The following LRRC37A2 variants were observed in gnomAD, a reference collection of about 807,000 sequenced individuals.
The protein encoded by LRRC37A2 is leucine rich repeat containing 37 member A2, also known as leucine-rich repeat-containing protein 37A2.
In LRRC37A2, 9 loss-of-function variants were observed where a neutral mutation model predicts 68.8. The observed-to-expected ratio is 0.13, with a 90% CI of 0.08 to 0.23. The LOEUF (loss-of-function observed/expected upper bound fraction) is 0.23. Among genes scored for constraint, LRRC37A2 ranks in the 10% least tolerant of loss-of-function variants. The pLI is 1.00. For synonymous variants in LRRC37A2, 63 were observed against 367.6 expected (o/e 0.17, Z 9.48); for missense variants, 168 against 950.4 (o/e 0.18, Z 10.82).
the LRRC37A2 span, chr17:47,049,119 C>T: frequency 1.9e-6 from 2 of 1,069,570 alleles, no homozygotes; most frequent in South Asian, 1.3e-5. Flanking sequence ...GACTCCTACT[C>T]TGTGTGACTG....
the LRRC37A2 span, chr17:46,998,590 C>T: frequency 6.6e-6 from 1 of 152,244 alleles, no homozygotes; most frequent in Non-Finnish European, 1.5e-5. Flanking sequence ...AGGCACCTGA[C>T]CTGGAGAACC....
chr17:46,836,643 C>T, the LRRC37A2 span, among the ~76,000 whole-genome samples: 1 of 152,156 alleles, frequency 6.6e-6, no homozygotes, highest in African/African-American at 2.4e-5. Flanking sequence ...AAATATGCCG[C>T]ATGTTGGGAA....
At chr17:46,532,252 A>G (rs1345003712) in intron 6 of LRRC37A2, among the ~76,000 whole-genome samples, 2 of 148,930 alleles carry the variant, frequency 1.3e-5, no homozygotes, top group Non-Finnish European at 1.5e-5. Flanking sequence ...GAAACCATAG[A>G]TCAGTTTGGA....
chr17:46,896,478 C>A, the LRRC37A2 span, among the ~76,000 whole-genome samples: 1,109 of 92,612 alleles, frequency 0.012, 45 homozygotes, highest in African/African-American at 0.057. Context: ...GAAAGAAAGA[C>A]AGACCAAGGC....
At chr17:46,845,332 C>G in the LRRC37A2 span, among the ~76,000 whole-genome samples, 1 of 152,194 alleles carries the variant, frequency 6.6e-6, no homozygotes, top group South Asian at 2.1e-4. Flanking sequence ...GTCTCTAGGT[C>G]AGCTCACTGT....
the LRRC37A2 span, among the ~76,000 whole-genome samples, chr17:46,605,645 GACAA>G: frequency 1.7e-5 from 1 of 58,970 alleles, no homozygotes; most frequent in African/African-American, 8.1e-5. Flanking sequence ...CTTTAAAACA[GACAA>G]ACACTCAATG....
chr17:46,834,398 C>T, the LRRC37A2 span, among the ~76,000 whole-genome samples: 1 of 151,970 alleles, frequency 6.6e-6, no homozygotes, highest in Non-Finnish European at 1.5e-5. Flanking sequence ...GGGGAGGGCG[C>T]GCATTAGGAG....
rs976723313 is a variant in LRRC37A2, at chr17:46,533,442, A to G, written c.2907-6734A>G. On this transcript the variant is annotated intron_variant, in intron 6 of 14. Transcript: ENST00000576629. ...ATTGTCACACATTACATCTTTATAT[A>G]CCTTATGTTCATCAACTAGATTTAT... is the stretch of plus-strand genomic sequence containing the variant. Among the ~76,000 whole-genome samples, 45 of 133,344 alleles carry G rather than the reference A, an allele frequency of 3.4e-4. 1 individual carries two copies. Among genetic ancestry groups the G allele is most frequent in the African/African-American group, 1.4e-3 (43 of 31,232 alleles). The allele number at this position is 133,344 out of a possible 152,430, so 87.5% of individuals were successfully genotyped here.
At chr17:46,839,076 C>T in the LRRC37A2 span, among the ~76,000 whole-genome samples, 1 of 152,142 alleles carries the variant, frequency 6.6e-6, no homozygotes, top group Non-Finnish European at 1.5e-5. Flanking sequence ...CAGACTTTCA[C>T]CATGTTGGCC....
chr17:46,852,550 C>A, the LRRC37A2 span, among the ~76,000 whole-genome samples: 1 of 148,058 alleles, frequency 6.8e-6, no homozygotes, highest in Non-Finnish European at 1.5e-5. Flanking sequence ...ATGTTTGGAG[C>A]AAAAGTTATA....
At chr17:46,726,745 G>A in the LRRC37A2 span, 1 of 821,282 alleles carries the variant, frequency 1.2e-6, no homozygotes, top group South Asian at 1.4e-5. Context: ...GTCTTACAAG[G>A]AAATATAATG....
At chr17:46,929,456 T>C in the LRRC37A2 span, 1 of 856,078 alleles carries the variant, frequency 1.2e-6, no homozygotes, top group East Asian at 2.4e-5. Flanking sequence ...AAAAATTGTC[T>C]TTCCTGACTG....
At chr17:46,690,580 C>A in the LRRC37A2 span, among the ~76,000 whole-genome samples, 1 of 99,438 alleles carries the variant, frequency 1.0e-5, no homozygotes, top group African/African-American at 4.1e-5. Context: ...CCACTGCACT[C>A]CAGCCTGGGC....
chr17:46,799,106 C>G, the LRRC37A2 span, among the ~76,000 whole-genome samples: 10 of 151,928 alleles, frequency 6.6e-5, no homozygotes, highest in African/African-American at 2.4e-4. Flanking sequence ...CCCTTCCCTT[C>G]CTGAGAACTG....
At chr17:46,710,985 AT>A in the LRRC37A2 span, 1 of 1,594,872 alleles carries the variant, frequency 6.3e-7, no homozygotes, top group Non-Finnish European at 8.5e-7. Context: ...AACCAAGAAG[AT>A]TATGCAAGTT....
chr17:46,983,213 C>G, the LRRC37A2 span, among the ~76,000 whole-genome samples: 2 of 151,704 alleles, frequency 1.3e-5, no homozygotes, highest in East Asian at 3.9e-4. Flanking sequence ...GAACCATCCA[C>G]GTCAGGAGCA....
chr17:46,767,791 G>C, the LRRC37A2 span, among the ~76,000 whole-genome samples: 1 of 151,758 alleles, frequency 6.6e-6, no homozygotes, highest in East Asian at 1.9e-4. Context: ...TTGTTTGTTT[G>C]TTTGTTTGTT....
chr17:46,723,154 T>A, the LRRC37A2 span, among the ~76,000 whole-genome samples: 1 of 152,166 alleles, frequency 6.6e-6, no homozygotes, highest in Non-Finnish European at 1.5e-5. Context: ...AGTAAGGTCC[T>A]TGCAGCCATA....
the LRRC37A2 span, among the ~76,000 whole-genome samples, chr17:46,385,244 G>T: frequency 2.5e-5 from 2 of 81,314 alleles, no homozygotes; most frequent in East Asian, 5.9e-4. Context: ...CTGGTGTGGG[G>T]ATATTATGAT....
Sources: gnomAD v4.1 joint callset for allele counts (sites outside exome capture counted in the v4.1 genomes callset) on GRCh38, gnomAD v4.1.1 for gene constraint, MANE v1.5 for transcripts, NCBI Gene and HGNC (gene_info 2026-07-23, HGNC 2026-07-21) for gene names.